Variants in GSTA1 observed in about 807,000 individuals in gnomAD.
GSTA1 encodes glutathione S-transferase alpha 1, also known as glutathione S-transferase A1.
In GSTA1, 23 loss-of-function variants were observed where a neutral mutation model predicts 21.5. The ratio of observed to expected loss-of-function variants is 1.07; its 90% confidence interval spans 0.77 to 1.52. GSTA1 has a LOEUF of 1.52. GSTA1 is among the 40% of genes most tolerant of loss of function. The pLI is 0.00. For synonymous variants in GSTA1, 125 were observed against 90.0 expected, an observed-to-expected ratio of 1.39 and a Z score of -2.20; for missense variants, 301 against 264.2, an observed-to-expected ratio of 1.14 and a Z score of -0.96.
intron 1 of GSTA1, among the ~76,000 whole-genome samples, chr6:52,799,535 A>C (rs971020230): frequency 5.9e-5 from 9 of 152,192 alleles, no homozygotes; most frequent in African/African-American, 1.9e-4. Context: ...TCTTGGCAGC[A>C]TAAGAGGTGA....
chr6:52,797,580 T>A lies in GSTA1; in HGVS notation c.139+6A>T. 6.2e-7 allele frequency: 1 copy of A among 1,604,796 alleles called. No homozygotes were observed. The highest frequency in any genetic ancestry group is 8.5e-7 in the Non-Finnish European group (1 of 1,171,938). ...CTCATCAGAGGAACTTAGAGATTGA[T>A]CTTACCATTTCTTAACTTGTCCAAA... On this transcript the variant is annotated splice_donor_region_variant and intron_variant, in intron 3 of 6. Transcript: ENST00000334575.
chr6:52,801,905 T>G (rs950605008), intron 1 of GSTA1, among the ~76,000 whole-genome samples: 2 of 150,610 alleles, frequency 1.3e-5, no homozygotes, highest in Non-Finnish European at 2.9e-5. Flanking sequence ...GGGTCAGCCT[T>G]AACTTCTGAT....
intron 1 of GSTA1, among the ~76,000 whole-genome samples, 172 bp from the exon 2 acceptor site, chr6:52,799,469 C>G (rs1490108455): frequency 2.0e-5 from 3 of 152,188 alleles, no homozygotes; most frequent in East Asian, 3.8e-4. Context: ...CCAGCAGTGG[C>G]CACCCTCAGA....
At chr6:52,802,668 G>A (rs1763744611) in intron 1 of GSTA1, among the ~76,000 whole-genome samples, 5 of 152,040 alleles carry the variant, frequency 3.3e-5, no homozygotes, top group Admixed American at 2.6e-4. Flanking sequence ...ATCCATGTAT[G>A]TATTATTTTA....
rs1763652566 is a variant in GSTA1, at chr6:52,799,164, C to T, written c.87+17G>A. On this transcript the variant is annotated intron_variant, in intron 2 of 6. Coordinates refer to ENST00000334575, the MANE Select transcript of GSTA1 (RefSeq NM_145740.5). ...CAATTTTAAATCCAACTTAAGATGA[C>T]CTAACTCAGAACCTACCTCTACTCC... 1 of 1,609,938 alleles carries T rather than the reference C, an allele frequency of 6.2e-7. No homozygotes were observed. The highest frequency in any genetic ancestry group is 1.7e-5 in the Admixed American group (1 of 59,882).
intron 6 of GSTA1, 118 bp downstream of exon 6, chr6:52,792,738 T>C (rs1430635159): frequency 3.1e-6 from 5 of 1,608,632 alleles, no homozygotes; most frequent in Non-Finnish European, 4.2e-6. Context: ...TTTGGAGACC[T>C]TGGGGCACTG....
Position 52,792,996 on chromosome 6 carries a change from T to A in GSTA1, c.415-9A>T. ...CCATGGCTCTTTAAGACCTGGAGAA[T>A]GGGAGGAATCAGATCAGGAACACAT... is the stretch of plus-strand genomic sequence containing the variant. On this transcript the variant is annotated splice_polypyrimidine_tract_variant and intron_variant, in intron 5 of 6. Coordinates refer to ENST00000334575, the MANE Select transcript of GSTA1 (RefSeq NM_145740.5). 3 of 1,613,946 alleles carry A rather than the reference T, an allele frequency of 1.9e-6. No individual in the cohort carries two copies. Among genetic ancestry groups the A allele is most frequent in the Non-Finnish European group, 8.5e-7 (1 of 1,179,920 alleles).
rs1051720 is a variant in GSTA1, at chr6:52,794,218, G to A, written c.321C>T (p.Leu107=). 5 of 1,613,884 alleles carry A rather than the reference G, an allele frequency of 3.1e-6. No individual in the cohort carries two copies. Among genetic ancestry groups the A allele is most frequent in the Middle Eastern group, 1.6e-4 (1 of 6,062 alleles). The stretch of plus-strand genomic sequence containing the variant: ...CCTCAGGTGGACATACGGGCAGAAG[G>A]AGGATCATTTCACCCAAATCTGCTA... ...EGIADLGEMI[L]LLPVCPPEEK... Residue 107 remains leucine, a synonymous_variant, in exon 5 of 7, where the codon CTC becomes CTT. Transcript: ENST00000334575.
intron 5 of GSTA1, 107 bp downstream of exon 5, chr6:52,794,018 A>G: frequency 7.2e-7 from 1 of 1,386,916 alleles, no homozygotes; most frequent in South Asian, 1.2e-5. Flanking sequence ...ATTGGTGTTC[A>G]GGAAGTCTCA....
At chr6:52,801,893 T>C (rs867207085) in intron 1 of GSTA1, among the ~76,000 whole-genome samples, 4 of 151,892 alleles carry the variant, frequency 2.6e-5, no homozygotes, top group African/African-American at 4.9e-5. Context: ...TTGGTGAGTG[T>C]TGGGTCAGCC....
chr6:52,792,753 C>T (rs1322488802), intron 6 of GSTA1, 103 bp downstream of exon 6: 4 of 1,610,588 alleles, frequency 2.5e-6, no homozygotes, highest in Admixed American at 1.7e-5. Context: ...GCACTGAAGG[C>T]CTGGAGAAGA....
At chr6:52,797,055 G>C (rs945013528) in intron 3 of GSTA1, among the ~76,000 whole-genome samples, 8 of 152,118 alleles carry the variant, frequency 5.3e-5, no homozygotes, top group African/African-American at 1.9e-4. Context: ...TTTAAAACAG[G>C]AAGTTCCCAG....
chr6:52,797,214 C>T (rs967912606), intron 3 of GSTA1, among the ~76,000 whole-genome samples: 6 of 152,146 alleles, frequency 3.9e-5, no homozygotes, highest in African/African-American at 1.4e-4. Context: ...AAGACAGTGG[C>T]CACATCTATT....
rs879066301 is a variant in GSTA1 at position 52,796,469 on chromosome 6, ATATATATATATATATATATATG to A, written c.140-177_140-156del. Among the ~76,000 whole-genome samples, 385 of 64,044 alleles carry A rather than the reference ATATATATATATATATATATATG, an allele frequency of 6.0e-3. 23 individuals carry two copies. Among genetic ancestry groups the A allele is most frequent in the East Asian group, 8.9e-3 (24 of 2,698 alleles). 42.0% of individuals were successfully genotyped at this position (64,044 alleles called of 152,430 possible). A position where few individuals can be genotyped will look rare whatever the true frequency, so the allele number is the denominator to read the frequency against. On this transcript the variant is annotated intron_variant, in intron 3 of 6. Transcript: ENST00000334575. Reference sequence around the variant, plus strand: ...TGAAACAAAAACTATATATATATATATATATATATATATATATATATGTGTGTGTGTGTGTGTGTGTGTGTGT... The same window carrying A: ...TGAAACAAAAACTATATATATATATATGTGTGTGTGTGTGTGTGTGTGTGT...
At chr6:52,795,865 C>T (rs187557005) in intron 4 of GSTA1, among the ~76,000 whole-genome samples, 4 of 152,122 alleles carry the variant, frequency 2.6e-5, no homozygotes, top group South Asian at 2.1e-4. Context: ...TGGCCAGAGT[C>T]GAGCCTCTGA....
At position 52,799,857 on chromosome 6, in the gene GSTA1, T is replaced by G. The variant is rs534458727; in HGVS notation, c.-30-560A>C. ...GTGAAGGCCCTGGGAACCCATGAAC[T>G]GGCCATGAAACCAGAGGATGTCACT... is the stretch of plus-strand genomic sequence containing the variant. On this transcript the variant is annotated intron_variant, in intron 1 of 6. Transcript: ENST00000334575. Among the ~76,000 whole-genome samples, 6 of 152,302 alleles carry G rather than the reference T, an allele frequency of 3.9e-5. No homozygotes were observed. The East Asian group carries it at 1.2e-3, about 29-fold the overall frequency.
At position 52,791,795 on chromosome 6, in the gene GSTA1, C is replaced by T. The variant is rs1763462811; in HGVS notation, c.*63G>A. On this transcript the variant is annotated 3_prime_UTR_variant, in exon 7 of 7. Transcript: ENST00000334575. ...GCACAATCAACACTTAGGTAAAGTA[C>T]TTTATTGTTGCAAAACTTTAGAACA... The T allele has an allele frequency of 6.9e-6, 11 of 1,599,976 alleles. No individual in the cohort carries two copies. Among genetic ancestry groups the T allele is most frequent in the Admixed American group, 1.7e-5 (1 of 59,186 alleles).
At chr6:52,793,927 A>T (rs1448342504) in intron 5 of GSTA1, among the ~76,000 whole-genome samples, 198 bp downstream of exon 5, 1 of 152,176 alleles carries the variant, frequency 6.6e-6, no homozygotes, top group Non-Finnish European at 1.5e-5. Context: ...ATTTTACTGG[A>T]AAAGTATAGC....
intron 5 of GSTA1, 25 bp from the exon 6 acceptor site, chr6:52,793,012 A>G: frequency 6.2e-7 from 1 of 1,613,886 alleles, no homozygotes; most frequent in Non-Finnish European, 8.5e-7. Flanking sequence ...GAATCAGATC[A>G]GGAACACATG....
Sources: allele counts gnomAD v4.1 joint callset (sites outside exome capture counted in the v4.1 genomes callset), GRCh38; gene constraint gnomAD v4.1.1; transcripts MANE v1.5; gene names NCBI Gene and HGNC (gene_info 2026-07-23, HGNC 2026-07-21).